HNRNPH2: variants seen among roughly 807,000 people sequenced by gnomAD.
The protein encoded by HNRNPH2 is FTP-3.
For synonymous variants in HNRNPH2, 128 were observed against 128.2 expected, an observed-to-expected ratio of 1.00 and a Z score of 0.01; for missense variants, 115 against 352.9, an observed-to-expected ratio of 0.33 and a Z score of 5.40.
intron 1 of HNRNPH2, 97 bp downstream of exon 1, chrX:101,408,416 T>C: frequency 6.5e-6 from 1 of 154,446 alleles, no homozygotes; most frequent in Non-Finnish European, 1.3e-5. Flanking sequence ...TTCTCTGCTT[T>C]CCCCTCCCCC....
intron 1 of HNRNPH2, among the ~76,000 whole-genome samples, chrX:101,410,721 A>G (rs1368557388): frequency 9.0e-6 from 1 of 111,327 alleles, no homozygotes; most frequent in Non-Finnish European, 1.9e-5. Context: ...TGCCAGGGTG[A>G]TCTGTCTGAA....
At position 101,412,572 on chromosome X, in the gene HNRNPH2, A is replaced by G; in HGVS notation, c.584A>G (p.Tyr195Cys). 1 of 1,211,773 alleles carries G rather than the reference A, an allele frequency of 8.3e-7. No homozygotes were observed. Among genetic ancestry groups the G allele is most frequent in the South Asian group, 1.8e-5 (1 of 56,992 alleles). The change falls in exon 2 of 2, where the codon TAT becomes TGT. Residue 195 changes from tyrosine to cysteine, a missense_variant. Coordinates refer to ENST00000316594, the MANE Select transcript of HNRNPH2 (RefSeq NM_019597.5). ...AGCCGAGCTGAAGTTCGAACCCACT[A>G]TGATCCCCCTCGAAAGCTCATGGCT... ...KSSRAEVRTHYDPPRKLMAMQ... is the reference protein window; with the variant it reads ...KSSRAEVRTHCDPPRKLMAMQ...
rs782334330 is a variant in HNRNPH2, at chrX:101,412,632, C to A, written c.644C>A (p.Ala215Asp). Residue 215 changes from alanine (A) to aspartate (D), a missense_variant, in exon 2 of 2, where the codon GCT (alanine) becomes GAT (aspartate). Ala to Asp is a moderately radical substitution (Grantham distance 126). Transcript: ENST00000316594. ...CCAGGTCCCTATGATAGGCCGGGGG[C>A]TGGCAGAGGGTATAATAGCATTGGC... ...QRPGPYDRPG[A>D]GRGYNSIGRG... The A allele has an allele frequency of 8.3e-7, 1 of 1,211,047 alleles. No individual in the cohort carries two copies. Among genetic ancestry groups the A allele is most frequent in the Non-Finnish European group, 1.1e-6 (1 of 894,725 alleles).
At chrX:101,411,009 T>C (rs1369416193) in intron 1 of HNRNPH2, among the ~76,000 whole-genome samples, 2 of 111,744 alleles carry the variant, frequency 1.8e-5, no homozygotes, top group Non-Finnish European at 3.8e-5. Context: ...ACTCAGAGGG[T>C]CATGGCAAGT....
At chrX:101,410,482 T>A (rs1344976078) in intron 1 of HNRNPH2, among the ~76,000 whole-genome samples, 1 of 112,557 alleles carries the variant, frequency 8.9e-6, no homozygotes, top group Non-Finnish European at 1.9e-5. Flanking sequence ...TGATTAAATT[T>A]GAACATTTCC....
chrX:101,408,943 T>TA (rs34028510), intron 1 of HNRNPH2, among the ~76,000 whole-genome samples: 13 of 111,859 alleles, frequency 1.2e-4, no homozygotes, highest in Admixed American at 6.6e-4. Context: ...TACAGTTTTT[T>TA]AAAAAATGTG....
chrX:101,413,467 C>A lies in HNRNPH2; in HGVS notation c.*129C>A. The A allele has an allele frequency of 2.0e-6, 1 of 501,791 alleles. No individual in the cohort carries two copies. The highest frequency in any genetic ancestry group is 3.2e-6 in the Non-Finnish European group (1 of 314,348). 41.4% of individuals were successfully genotyped at this position (501,791 alleles called of 1,213,427 possible). A position where few individuals can be genotyped will look rare whatever the true frequency, so the allele number is the denominator to read the frequency against. On this transcript the variant is annotated 3_prime_UTR_variant, in exon 2 of 2. Coordinates refer to ENST00000316594, the MANE Select transcript of HNRNPH2 (RefSeq NM_019597.5). Reference sequence around the variant, plus strand: ...AATGGGAAATATAATTGATTCTGATCACTCTTGGTCAGCTTCTCTTTCTTT... The same window carrying A: ...AATGGGAAATATAATTGATTCTGATAACTCTTGGTCAGCTTCTCTTTCTTT...
In HNRNPH2 at chrX:101,413,534, C is replaced by T. The variant is rs1569308394; in HGVS notation, c.*196C>T. The T allele has an allele frequency of 2.6e-6, 1 of 381,786 alleles. No individual in the cohort carries two copies. Among genetic ancestry groups the T allele is most frequent in the Non-Finnish European group, 4.6e-6 (1 of 218,995 alleles). The allele number at this position is 381,786 out of a possible 1,213,427, so 31.5% of individuals were successfully genotyped here. On this transcript the variant is annotated 3_prime_UTR_variant, in exon 2 of 2. Transcript: ENST00000316594. ...TTTTAAGAAAACGAGTTAAGTTTAA[C>T]AGTTTTGCATTACAGGCTTGTGATT... is the stretch of plus-strand genomic sequence containing the variant.
intron 1 of HNRNPH2, among the ~76,000 whole-genome samples, chrX:101,411,404 ATTTTTTTTTTTTTTT>A (rs782617767): frequency 6.1e-5 from 3 of 48,965 alleles, no homozygotes; most frequent in East Asian, 5.6e-4. Flanking sequence ...GTTGCTGTTA[ATTTTTTTTTTTTTTT>A]TTTTTTTTTT....
At chrX:101,408,769 A>G (rs191958755) in intron 1 of HNRNPH2, among the ~76,000 whole-genome samples, 550 of 111,714 alleles carry the variant, frequency 4.9e-3, no homozygotes, top group Non-Finnish European at 8.3e-3. Context: ...AAGGCGCCCA[A>G]TAAATTACTT....
intron 1 of HNRNPH2, among the ~76,000 whole-genome samples, chrX:101,409,794 A>G (rs1210019366): frequency 1.8e-5 from 2 of 111,725 alleles, no homozygotes; most frequent in African/African-American, 3.3e-5. Flanking sequence ...GGATCATACT[A>G]TGTATATTCT....
chrX:101,411,940 A>G lies in HNRNPH2; in HGVS notation c.-49A>G. On this transcript the variant is annotated 5_prime_UTR_variant, in exon 2 of 2. Coordinates refer to ENST00000316594, the MANE Select transcript of HNRNPH2 (RefSeq NM_019597.5). Reference sequence around the variant, plus strand: ...TCTTCTTTTTTTTTTTTTCAGCTACACCAAAATTGCATTGAGCCAAACTTG... The same window carrying G: ...TCTTCTTTTTTTTTTTTTCAGCTACGCCAAAATTGCATTGAGCCAAACTTG... 4 of 1,128,995 alleles carry G rather than the reference A, an allele frequency of 3.5e-6. No individual in the cohort carries two copies. The highest frequency in any genetic ancestry group is 4.7e-6 in the Non-Finnish European group (4 of 858,260). The allele number at this position is 1,128,995 out of a possible 1,213,427, so 93.0% of individuals were successfully genotyped here.
At position 101,411,942 on chromosome X, in the gene HNRNPH2, C is replaced by A; in HGVS notation, c.-47C>A. Reference sequence around the variant, plus strand: ...TTCTTTTTTTTTTTTTCAGCTACACCAAAATTGCATTGAGCCAAACTTGCC... The same window carrying A: ...TTCTTTTTTTTTTTTTCAGCTACACAAAAATTGCATTGAGCCAAACTTGCC... On this transcript the variant is annotated 5_prime_UTR_variant, in exon 2 of 2. Coordinates refer to ENST00000316594, the MANE Select transcript of HNRNPH2 (RefSeq NM_019597.5). The A allele has an allele frequency of 8.8e-7, 1 of 1,132,248 alleles. No homozygotes were observed. Among genetic ancestry groups the A allele is most frequent in the Non-Finnish European group, 1.2e-6 (1 of 859,590 alleles). The allele number at this position is 1,132,248 out of a possible 1,213,427, so 93.3% of individuals were successfully genotyped here. A position where few individuals can be genotyped will look rare whatever the true frequency, so the allele number is the denominator to read the frequency against.
chrX:101,413,043 T>C lies in HNRNPH2; in HGVS notation c.1055T>C (p.Met352Thr). The change falls in exon 2 of 2, where the codon ATG becomes ACG. Residue 352 changes from methionine (M) to threonine (T), a missense_variant. By Grantham distance (81) the Met-to-Thr change is moderately conservative (BLOSUM62 -1). Coordinates refer to ENST00000316594, the MANE Select transcript of HNRNPH2 (RefSeq NM_019597.5). ...GCTATGGCAAAAGACAAAGCTAATA[T>C]GCAACACAGATATGTGGAGCTCTTC... ...VAAMAKDKAN[M>T]QHRYVELFLN... The C allele has an allele frequency of 8.3e-7, 1 of 1,211,575 alleles. No individual in the cohort carries two copies. Among genetic ancestry groups the C allele is most frequent in the Non-Finnish European group, 1.1e-6 (1 of 895,079 alleles).
intron 1 of HNRNPH2, among the ~76,000 whole-genome samples, 194 bp from the exon 2 acceptor site, chrX:101,411,742 A>G (rs1483154666): frequency 1.8e-5 from 2 of 111,511 alleles, no homozygotes; most frequent in Non-Finnish European, 3.8e-5. Context: ...AATGGTATCT[A>G]ACACGTAATA....
At position 101,412,882 on chromosome X, in the gene HNRNPH2, C is replaced by T. The variant is rs1928850195; in HGVS notation, c.894C>T (p.Tyr298=). The change falls in exon 2 of 2, where the codon TAC becomes TAT. Residue 298 remains tyrosine (Y), a synonymous_variant. Transcript: ENST00000316594. ...GHCVHMRGLP[Y]RATENDIYNF... is the part of the protein sequence containing the mutation. The stretch of plus-strand genomic sequence containing the variant: ...GTGTACACATGAGGGGGTTACCTTA[C>T]AGAGCCACTGAGAATGATATTTATA... 1 of 1,208,819 alleles carries T rather than the reference C, an allele frequency of 8.3e-7. No homozygotes were observed. The highest frequency in any genetic ancestry group is 1.7e-5 in the African/African-American group (1 of 57,689).
chrX:101,409,166 C>G (rs1376148363), intron 1 of HNRNPH2, among the ~76,000 whole-genome samples: 1 of 108,280 alleles, frequency 9.2e-6, no homozygotes, highest in Non-Finnish European at 1.9e-5. Context: ...AAAAAAAAAT[C>G]CTGCAAAATG....
chrX:101,410,725 G>A (rs782266337), intron 1 of HNRNPH2, among the ~76,000 whole-genome samples: 1 of 111,483 alleles, frequency 9.0e-6, no homozygotes, highest in Non-Finnish European at 1.9e-5. Flanking sequence ...AGGGTGATCT[G>A]TCTGAAAGAG....
In HNRNPH2 at chrX:101,408,236, G is replaced by C. The variant is rs1020360035; in HGVS notation, c.-137G>C. ...CTCACGTGATTACTCGCTTACGTGA[G>C]CAGAAGTAGTTCTGGTCGTCGTCTA... On this transcript the variant is annotated 5_prime_UTR_variant, in exon 1 of 2. Transcript: ENST00000316594. 3.1e-6 allele frequency: 1 copy of C among 323,996 alleles called. No individual in the cohort carries two copies. The highest frequency in any genetic ancestry group is 5.6e-6 in the Non-Finnish European group (1 of 179,439). The allele number at this position is 323,996 out of a possible 1,213,427, so 26.7% of individuals were successfully genotyped here.
Sources: allele counts gnomAD v4.1 joint callset (sites outside exome capture counted in the v4.1 genomes callset), GRCh38; gene constraint gnomAD v4.1.1; transcripts MANE v1.5; gene names NCBI Gene and HGNC (gene_info 2026-07-23, HGNC 2026-07-21).